KBTBD12: variants seen among roughly 807,000 people sequenced by gnomAD.
KBTBD12 encodes the protein kelch repeat and BTB domain containing 12, also known as kelch repeat and BTB domain-containing protein 12.
In KBTBD12, 53 loss-of-function variants were observed where a neutral mutation model predicts 58.7. The observed-to-expected ratio is 0.90, with a 90% CI of 0.72 to 1.14. The LOEUF (loss-of-function observed/expected upper bound fraction) is 1.14, where lower values mean the gene tolerates loss of function less well. Ranked by LOEUF, KBTBD12 falls within the 50% of genes most tolerant of loss-of-function variation. KBTBD12 has a pLI of 0.00. For missense variants in KBTBD12, 704 were observed against 751.3 expected (o/e 0.94, Z 0.74); for synonymous variants, 236 against 259.8 (o/e 0.91, Z 0.88).
chr3:127,965,279 A>G (rs1305102464), intron 5 of KBTBD12, among the ~76,000 whole-genome samples: 2 of 152,248 alleles, frequency 1.3e-5, no homozygotes, highest in Non-Finnish European at 2.9e-5. Flanking sequence ...ACTATGAGCT[A>G]ACCTCTCTTC....
At position 127,984,236 on chromosome 3, in the gene KBTBD12, C is replaced by A. The variant is rs780428981; in HGVS notation, c.1830C>A (p.Ile610=). The change falls in exon 6 of 6, where the codon ATC becomes ATA. Residue 610 remains isoleucine, a synonymous_variant. Transcript: ENST00000405109. ...CCAGGATGAATCCCCGAGACCTCAT[C>A]CCCCCGCCTTCAGATTTGGTGGAAG... ...LVARMNPRDL[I]PPPSDLVEEG... 1.9e-6 allele frequency: 3 copies of A among 1,613,832 alleles called. No homozygotes were observed. Among genetic ancestry groups the A allele is most frequent in the Non-Finnish European group, 2.5e-6 (3 of 1,179,832 alleles).
intron 5 of KBTBD12, among the ~76,000 whole-genome samples, chr3:127,973,039 C>A (rs1008196865): frequency 1.6e-4 from 25 of 152,156 alleles, no homozygotes; most frequent in African/African-American, 6.0e-4. Flanking sequence ...AAAATATGTA[C>A]TTTTACAATG....
At chr3:127,928,087 C>T (rs897968048) in intron 3 of KBTBD12, 53 bp downstream of exon 3, 1 of 1,445,184 alleles carries the variant, frequency 6.9e-7, no homozygotes, top group African/African-American at 1.4e-5. Context: ...AGTCTGGCTG[C>T]TATGTTAAAC....
chr3:127,923,509 G>T lies in KBTBD12; in HGVS notation c.448G>T (p.Asp150Tyr). 6.2e-7 allele frequency: 1 copy of T among 1,611,000 alleles called. No homozygotes were observed. The highest frequency in any genetic ancestry group is 8.5e-7 in the Non-Finnish European group (1 of 1,178,828). ...GCAGATTGGAGCTGAAGATTTATCT[G>T]ATCGATCAAAGAAATATTTATATCA... ...AKQIGAEDLS[D>Y]RSKKYLYQHF... Residue 150 changes from aspartate (D) to tyrosine (Y), a missense_variant, in exon 2 of 6, where the codon GAT (aspartate) becomes TAT (tyrosine). Asp to Tyr is a radical substitution (Grantham distance 160, BLOSUM62 -3). Coordinates refer to ENST00000405109, the MANE Select transcript of KBTBD12 (RefSeq NM_207335.4).
chr3:127,941,436 CA>C lies in KBTBD12; in HGVS notation c.1492+11155del, dbSNP rs556091278. On this transcript the variant is annotated intron_variant, in intron 4 of 5. Coordinates refer to ENST00000405109, the MANE Select transcript of KBTBD12 (RefSeq NM_207335.4). ...CAGAAGAAAAGCCACATAATCACAT[CA>C]ATTGATGCCTAAAAATCATTTGAAA... Among the ~76,000 whole-genome samples, 99 of 152,276 alleles carry C rather than the reference CA, an allele frequency of 6.5e-4. 1 individual carries two copies. Among genetic ancestry groups the C allele is most frequent in the African/African-American group, 2.2e-3 (91 of 41,560 alleles).
intron 4 of KBTBD12, among the ~76,000 whole-genome samples, chr3:127,943,174 G>C (rs1939994605): frequency 6.6e-6 from 1 of 152,142 alleles, no homozygotes; most frequent in African/African-American, 2.4e-5. Flanking sequence ...GTCTCTTTGA[G>C]GTACTGATTT....
chr3:127,962,926 A>C (rs1489218658), intron 4 of KBTBD12, among the ~76,000 whole-genome samples: 1 of 152,236 alleles, frequency 6.6e-6, no homozygotes. Context: ...TGGATATTAT[A>C]GAATATAAGC....
At chr3:127,953,514 A>C (rs184180905) in intron 4 of KBTBD12, among the ~76,000 whole-genome samples, 2 of 152,356 alleles carry the variant, frequency 1.3e-5, no homozygotes, top group East Asian at 3.9e-4. Flanking sequence ...ACATTGTATT[A>C]CCGGACATTG....
At chr3:127,931,283 T>G (rs1026491069) in intron 4 of KBTBD12, among the ~76,000 whole-genome samples, 2 of 152,182 alleles carry the variant, frequency 1.3e-5, no homozygotes, top group African/African-American at 4.8e-5. Flanking sequence ...ATTAATGCAC[T>G]CAAGCATTAG....
intron 5 of KBTBD12, among the ~76,000 whole-genome samples, chr3:127,968,071 A>C (rs1940611869): frequency 6.6e-6 from 1 of 152,244 alleles, no homozygotes; most frequent in African/African-American, 2.4e-5. Flanking sequence ...GGCACTCTTC[A>C]CATTGCCCCG....
intron 5 of KBTBD12, among the ~76,000 whole-genome samples, chr3:127,978,863 G>C (rs1940828872): frequency 1.3e-5 from 2 of 152,214 alleles, no homozygotes; most frequent in Non-Finnish European, 2.9e-5. Context: ...TAGCCAGAAG[G>C]CCAGGAAGGG....
At chr3:127,946,265 A>C (rs943653596) in intron 4 of KBTBD12, among the ~76,000 whole-genome samples, 1 of 152,142 alleles carries the variant, frequency 6.6e-6, no homozygotes, top group African/African-American at 2.4e-5. Flanking sequence ...CCTTTCAATA[A>C]AGTGTCTTTA....
intron 1 of KBTBD12, among the ~76,000 whole-genome samples, chr3:127,918,537 C>G (rs940082797): frequency 2.6e-5 from 4 of 152,120 alleles, no homozygotes; most frequent in Middle Eastern, 3.4e-3. Context: ...ACGGTGAAAC[C>G]CCGTCTCTAC....
chr3:127,976,916 T>C (rs1940794343), intron 5 of KBTBD12, among the ~76,000 whole-genome samples: 2 of 152,180 alleles, frequency 1.3e-5, no homozygotes, highest in Admixed American at 1.3e-4. Flanking sequence ...TATAGGTAAA[T>C]TGTGTGTCAC....
intron 5 of KBTBD12, among the ~76,000 whole-genome samples, chr3:127,978,040 C>CA (rs1940814124): frequency 6.6e-6 from 1 of 152,218 alleles, no homozygotes; most frequent in Non-Finnish European, 1.5e-5. Context: ...CAATATTCTG[C>CA]ATATGGCTAG....
chr3:127,960,555 A>G (rs1940419378), intron 4 of KBTBD12, among the ~76,000 whole-genome samples: 1 of 152,236 alleles, frequency 6.6e-6, no homozygotes, highest in African/African-American at 2.4e-5. Context: ...ACCTCTCATC[A>G]AAAGATTTCT....
At chr3:127,963,478 C>A (rs948836316) in intron 5 of KBTBD12, 92 bp downstream of exon 5, 6 of 1,194,644 alleles carry the variant, frequency 5.0e-6, no homozygotes, top group Non-Finnish European at 6.9e-6. Flanking sequence ...TTCCTGAGAG[C>A]AACGTGAGCA....
chr3:127,958,211 A>G (rs1361216411), intron 4 of KBTBD12, among the ~76,000 whole-genome samples: 2 of 152,060 alleles, frequency 1.3e-5, no homozygotes, highest in Non-Finnish European at 2.9e-5. Context: ...GGGGATGGGT[A>G]TGGGAGGCAC....
chr3:127,945,495 A>G (rs1054893498), intron 4 of KBTBD12, among the ~76,000 whole-genome samples: 12 of 150,306 alleles, frequency 8.0e-5, no homozygotes, highest in Admixed American at 2.6e-4. Context: ...AATAGTAACT[A>G]TCTTAATGGT....
Sources: gnomAD v4.1 joint callset for allele counts (sites outside exome capture counted in the v4.1 genomes callset) on GRCh38, gnomAD v4.1.1 for gene constraint, MANE v1.5 for transcripts, NCBI Gene and HGNC (gene_info 2026-07-23, HGNC 2026-07-21) for gene names.